The following ARPP21 variants were observed in gnomAD, a reference collection of about 807,000 sequenced individuals.
The protein encoded by ARPP21 is cAMP regulated phosphoprotein 21, also known as cAMP-regulated phosphoprotein 21.
In ARPP21, 69 loss-of-function variants were observed where a neutral mutation model predicts 113.2. The observed-to-expected ratio is 0.61, with a 90% CI of 0.50 to 0.74. ARPP21 has a LOEUF of 0.74. Among genes scored for constraint, ARPP21 ranks in the 30% least tolerant of loss-of-function variants. The pLI, the probability that ARPP21 is intolerant of heterozygous loss-of-function variation, is 0.00. For synonymous variants in ARPP21, 368 were observed against 375.5 expected (o/e 0.98, Z 0.23); for missense variants, 1,070 against 1,037.4 (o/e 1.03, Z -0.43).
intron 1 of ARPP21, chr3:35,679,501 G>C (rs1455388353): frequency 6.6e-5 from 10 of 150,472 alleles, no homozygotes; most frequent in Admixed American, 6.6e-5. Flanking sequence ...AATACAAAGT[G>C]CGAGATTTCA....
intron 19 of ARPP21, among the ~76,000 whole-genome samples, chr3:35,789,005 G>A (rs1011119793): frequency 1.3e-5 from 2 of 152,074 alleles, no homozygotes; most frequent in Non-Finnish European, 2.9e-5. Context: ...AAATTGAATC[G>A]ATCTTGACTG....
At chr3:35,770,022 G>A (rs1051063177) in intron 19 of ARPP21, among the ~76,000 whole-genome samples, 11 of 152,132 alleles carry the variant, frequency 7.2e-5, no homozygotes, top group Non-Finnish European at 1.3e-4. Context: ...TGCCATGTTG[G>A]TACAGTTAAC....
intron 15 of ARPP21, among the ~76,000 whole-genome samples, chr3:35,731,620 C>A (rs1372262237): frequency 6.6e-6 from 1 of 151,320 alleles, no homozygotes; most frequent in African/African-American, 2.4e-5. Context: ...ATATATAATG[C>A]ATGTTATATA....
intron 11 of ARPP21, among the ~76,000 whole-genome samples, chr3:35,713,656 A>G (rs1201161783): frequency 6.6e-6 from 1 of 152,170 alleles, no homozygotes; most frequent in Non-Finnish European, 1.5e-5. Context: ...GGCCTCCCAA[A>G]GTGCTGGGAT....
At chr3:35,769,800 A>G (rs2096130783) in intron 19 of ARPP21, among the ~76,000 whole-genome samples, 1 of 152,206 alleles carries the variant, frequency 6.6e-6, no homozygotes, top group African/African-American at 2.4e-5. Flanking sequence ...AACTAAAGCC[A>G]TACTATCTTG....
chr3:35,743,776 A>C (rs866787811), intron 18 of ARPP21, 63 bp from the exon 19 acceptor site: 1 of 1,554,788 alleles, frequency 6.4e-7, no homozygotes, highest in Non-Finnish European at 8.9e-7. Flanking sequence ...AGCATATTTT[A>C]AGTTTAAAAA....
chr3:35,761,114 A>G (rs977105883), intron 19 of ARPP21, among the ~76,000 whole-genome samples: 3 of 152,158 alleles, frequency 2.0e-5, no homozygotes, highest in Admixed American at 6.5e-5. Context: ...TCTGAGTTTT[A>G]TTTTCTTCTC....
intron 1 of ARPP21, among the ~76,000 whole-genome samples, chr3:35,659,787 C>T (rs1706817725): frequency 6.6e-6 from 1 of 152,160 alleles, no homozygotes; most frequent in Admixed American, 6.5e-5. Context: ...AAGGAGAAAA[C>T]CTTTAGAGAA....
intron 1 of ARPP21, among the ~76,000 whole-genome samples, chr3:35,665,633 A>G (rs1375773799): frequency 1.3e-5 from 2 of 152,188 alleles, no homozygotes; most frequent in African/African-American, 4.8e-5. Context: ...GTCATTTCCT[A>G]TATTTGAGAA....
chr3:35,748,795 A>C (rs2095290070), intron 19 of ARPP21, among the ~76,000 whole-genome samples: 1 of 152,224 alleles, frequency 6.6e-6, no homozygotes, highest in Non-Finnish European at 1.5e-5. Flanking sequence ...AGGCCACAAA[A>C]ATATTAGCAA....
rs116833116 is a variant in ARPP21 at position 35,702,953 on chromosome 3, T to A, written c.687-4021T>A. 6.7e-3 allele frequency among the ~76,000 whole-genome samples: 1,015 copies of A among 152,012 alleles called. 14 individuals are homozygous for A. Among genetic ancestry groups the A allele is most frequent in the Middle Eastern group, 0.027 (8 of 294 alleles). On this transcript the variant is annotated intron_variant, in intron 9 of 20. Transcript: ENST00000684406. ...TGTTTGACTATTAAAGTGCTTTTGA[T>A]AGGTGTCTTACACCATCAAAATACT...
intron 19 of ARPP21, among the ~76,000 whole-genome samples, chr3:35,765,869 T>G (rs1488433627): frequency 6.6e-6 from 1 of 152,150 alleles, no homozygotes; most frequent in Non-Finnish European, 1.5e-5. Context: ...AAGTAACTAC[T>G]TTGTGGCTCA....
chr3:35,698,605 G>C (rs1174391216), intron 9 of ARPP21, among the ~76,000 whole-genome samples: 3 of 151,530 alleles, frequency 2.0e-5, no homozygotes, highest in Non-Finnish European at 4.4e-5. Context: ...ATTCACAGAA[G>C]ACCAAGATCA....
At position 35,737,262 on chromosome 3, in the gene ARPP21, G is replaced by A; in HGVS notation, c.1544G>A (p.Gly515Glu). 6.2e-7 allele frequency: 1 copy of A among 1,612,592 alleles called. No homozygotes were observed. Among genetic ancestry groups the A allele is most frequent in the East Asian group, 2.2e-5 (1 of 44,850 alleles). The change falls in exon 16 of 21, where the codon GGG becomes GAG. Residue 515 changes from glycine to glutamate, a missense_variant. Coordinates refer to ENST00000684406, the MANE Select transcript of ARPP21 (RefSeq NM_001385562.1). ...SQQPLRSAMV[G>E]QSQQQPPQQQ... ...CAGCCCCTGCGAAGCGCCATGGTGGGGCAGTCCCAACAGCAGCCACCACAG... is the reference window on the plus strand; with the variant it reads ...CAGCCCCTGCGAAGCGCCATGGTGGAGCAGTCCCAACAGCAGCCACCACAG...
intron 19 of ARPP21, 125 bp downstream of exon 19, chr3:35,744,090 A>G: frequency 1.0e-6 from 1 of 998,170 alleles, no homozygotes; most frequent in Non-Finnish European, 1.5e-6. Context: ...CCCAGAGAAG[A>G]TAACAAAGCA....
intron 12 of ARPP21, among the ~76,000 whole-genome samples, chr3:35,716,484 A>T (rs2092417085): frequency 6.6e-6 from 1 of 152,060 alleles, no homozygotes. Context: ...TAATAGAATA[A>T]CCTCTTCAGA....
intron 19 of ARPP21, among the ~76,000 whole-genome samples, chr3:35,750,622 G>C (rs2095367761): frequency 6.6e-6 from 1 of 151,950 alleles, no homozygotes; most frequent in Non-Finnish European, 1.5e-5. Context: ...TATTTTTTCT[G>C]TTTTTATGTT....
At chr3:35,688,306 A>G (rs926474432) in intron 6 of ARPP21, among the ~76,000 whole-genome samples, 1 of 151,600 alleles carries the variant, frequency 6.6e-6, no homozygotes, top group African/African-American at 2.4e-5. Context: ...CATAAGTGAT[A>G]TGGTCCCCAA....
intron 5 of ARPP21, chr3:35,684,156 A>C: frequency 7.1e-7 from 1 of 1,411,432 alleles, no homozygotes; most frequent in Non-Finnish European, 9.3e-7. Context: ...AATCCCAAGT[A>C]TCCTCTCTCC....
Sources: gnomAD v4.1 joint callset for allele counts (sites outside exome capture counted in the v4.1 genomes callset) on GRCh38, gnomAD v4.1.1 for gene constraint, MANE v1.5 for transcripts, NCBI Gene and HGNC (gene_info 2026-07-23, HGNC 2026-07-21) for gene names.